The following PLEKHG4B variants were observed in gnomAD, a reference collection of about 807,000 sequenced individuals.
PLEKHG4B encodes pleckstrin homology domain-containing family G member 4B.
Under a neutral mutation model 121.3 loss-of-function variants are expected in PLEKHG4B, and 111 were observed. That is an observed-to-expected ratio of 0.92 (90% CI 0.78 to 1.07). The LOEUF is 1.07. PLEKHG4B is among the 50% of genes least tolerant of loss of function. PLEKHG4B has a pLI of 0.00. For missense variants in PLEKHG4B, 1,831 were observed against 1,757.8 expected (o/e 1.04, Z -0.74); for synonymous variants, 738 against 725.0 (o/e 1.02, Z -0.29).
At position 113,571 on chromosome 5, in the gene PLEKHG4B, T is replaced by G. The variant is rs75540411; in HGVS notation, c.243+123T>G. On this transcript the variant is annotated intron_variant, in intron 2 of 19. Transcript: ENST00000637938. This position sits in a 1 kb window ranked among gnomAD's most constrained non-coding sequence, Gnocchi z 5.2. ...TCAGTTCTTTCCTCTGGCTTCTGGCTCCTCCCACCCTCATCCCAAATGAAG... is the reference window on the plus strand; with the variant it reads ...TCAGTTCTTTCCTCTGGCTTCTGGCGCCTCCCACCCTCATCCCAAATGAAG... The G allele has an allele frequency of 0.017, 6,722 of 397,926 alleles. 83 individuals are homozygous for G. The highest frequency in any genetic ancestry group is 0.023 in the Non-Finnish European group (5,190 of 226,140). The allele number at this position is 397,926 out of a possible 1,614,324, so 24.6% of individuals were successfully genotyped here. A position where few individuals can be genotyped will look rare whatever the true frequency, so the allele number is the denominator to read the frequency against.
intron 4 of PLEKHG4B, 49 bp from the exon 5 acceptor site, chr5:143,331 C>T: frequency 6.2e-7 from 1 of 1,607,896 alleles, no homozygotes; most frequent in Non-Finnish European, 8.5e-7. Flanking sequence ...CAGCTCACCA[C>T]CTTGTAGGAG....
chr5:127,536 C>A (rs1339683037), intron 2 of PLEKHG4B, among the ~76,000 whole-genome samples: 3 of 151,748 alleles, frequency 2.0e-5, no homozygotes, highest in African/African-American at 7.3e-5. Flanking sequence ...GTCTGGCTCA[C>A]AAAAGGGGAA....
In PLEKHG4B at chr5:181,495, A is replaced by G; in HGVS notation, c.4403-19A>G. 2.5e-6 allele frequency: 4 copies of G among 1,610,506 alleles called. No individual in the cohort carries two copies. Among genetic ancestry groups the G allele is most frequent in the South Asian group, 2.2e-5 (2 of 90,856 alleles). ...CCCCCGAGTTGCTTTGGAAACTGTC[A>G]TACTTTCTTCTGTCTTAGAACTCAG... is the stretch of plus-strand genomic sequence containing the variant. On this transcript the variant is annotated intron_variant, in intron 18 of 19. Coordinates refer to ENST00000637938, the MANE Select transcript of PLEKHG4B (RefSeq NM_052909.5).
intron 8 of PLEKHG4B, 24 bp downstream of exon 8, chr5:155,015 C>T (rs1232043050): frequency 6.4e-6 from 10 of 1,563,276 alleles, no homozygotes; most frequent in Non-Finnish European, 7.0e-6. Flanking sequence ...GCAGCTGCTG[C>T]ACATGCGACA....
chr5:98,927 C>T (rs1255926434), intron 1 of PLEKHG4B, among the ~76,000 whole-genome samples: 6 of 112,462 alleles, frequency 5.3e-5, no homozygotes, highest in African/African-American at 1.4e-4. Context: ...GAGGCTGAGG[C>T]GGGTGGATCA....
chr5:161,333 C>G (rs1433565773), intron 11 of PLEKHG4B, among the ~76,000 whole-genome samples: 1 of 152,226 alleles, frequency 6.6e-6, no homozygotes, highest in African/African-American at 2.4e-5. Flanking sequence ...ATGGAAAGTC[C>G]TGGATCTATT....
At chr5:138,146 C>T (rs1031363701) in intron 2 of PLEKHG4B, among the ~76,000 whole-genome samples, 3 of 152,194 alleles carry the variant, frequency 2.0e-5, no homozygotes, top group East Asian at 1.9e-4. Flanking sequence ...CCCTGGGACC[C>T]GCCCCCCACC....
intron 5 of PLEKHG4B, 106 bp downstream of exon 5, chr5:143,609 C>T: frequency 7.2e-7 from 1 of 1,390,850 alleles, no homozygotes; most frequent in Non-Finnish European, 9.9e-7. Flanking sequence ...TGGCCAGACT[C>T]TGCCTCTCCT....
rs1180470111 is a variant in PLEKHG4B at position 140,097 on chromosome 5, G to A, written c.858G>A (p.Arg286=). The change falls in exon 3 of 20, where the codon AGG becomes AGA. Residue 286 remains arginine (R), a synonymous_variant. Coordinates refer to ENST00000637938, the MANE Select transcript of PLEKHG4B (RefSeq NM_052909.5). ...GGACCCTGTCTGGAAGCTCAGACAG[G>A]GACTTCGAAAAGGTCAGCCCCTCAG... The part of the protein sequence containing the change: ...SPRTLSGSSD[R]DFEKVSPSEQ... 4.1e-6 allele frequency: 2 copies of A among 487,610 alleles called. No individual in the cohort carries two copies. Among genetic ancestry groups the A allele is most frequent in the Non-Finnish European group, 7.1e-6 (2 of 280,738 alleles). The allele number at this position is 487,610 out of a possible 1,614,324, so 30.2% of individuals were successfully genotyped here.
intron 6 of PLEKHG4B, among the ~76,000 whole-genome samples, chr5:150,633 A>C (rs1184540692): frequency 6.6e-6 from 1 of 152,218 alleles, no homozygotes; most frequent in Non-Finnish European, 1.5e-5. Context: ...AGTACTCTTC[A>C]CTGAAGATGA....
intron 2 of PLEKHG4B, among the ~76,000 whole-genome samples, chr5:133,848 A>G (rs904717292): frequency 6.6e-6 from 1 of 151,280 alleles, no homozygotes; most frequent in Non-Finnish European, 1.5e-5. Flanking sequence ...TAGCAGTACA[A>G]TTTGCAACTG....
chr5:110,234 G>A (rs1734104299), intron 1 of PLEKHG4B, among the ~76,000 whole-genome samples: 1 of 117,386 alleles, frequency 8.5e-6, no homozygotes, highest in Non-Finnish European at 1.7e-5. Context: ...TGCACACACC[G>A]GCCACTCTGC....
intron 12 of PLEKHG4B, 37 bp from the exon 13 acceptor site, chr5:162,685 C>CTCCACT: frequency 6.1e-6 from 8 of 1,321,994 alleles, no homozygotes; most frequent in Non-Finnish European, 7.8e-6. Flanking sequence ...GCAGCCCCTC[C>CTCCACT]TCCACTGCAC....
chr5:111,332 T>C (rs1357125457), intron 1 of PLEKHG4B, among the ~76,000 whole-genome samples: 1 of 152,174 alleles, frequency 6.6e-6, no homozygotes, highest in Non-Finnish European at 1.5e-5. Flanking sequence ...GTGGCCCCAG[T>C]GGGAGTCATC....
chr5:143,011 C>A, intron 3 of PLEKHG4B, 36 bp from the exon 4 acceptor site: 1 of 1,591,924 alleles, frequency 6.3e-7, no homozygotes, highest in Non-Finnish European at 8.6e-7. Context: ...CGCAGGAAAA[C>A]CTTCATCTTT....
chr5:139,720 G>A lies in PLEKHG4B; in HGVS notation c.481G>A (p.Gly161Arg), dbSNP rs1579276501. The change falls in exon 3 of 20, where the codon GGG becomes AGG. Residue 161 changes from glycine to arginine, a missense_variant. Gly to Arg is a moderately radical substitution (Grantham distance 125, BLOSUM62 -2). Coordinates refer to ENST00000637938, the MANE Select transcript of PLEKHG4B (RefSeq NM_052909.5). The surrounding 1 kb of genome is among the most constrained non-coding windows in gnomAD (Gnocchi z 5.0). ...PEAMYGCVFT[G>R]AFLEWVNRER... ...GGCCATGTATGGCTGTGTCTTCACG[G>A]GGGCGTTCCTGGAGTGGGTGAACCG... 1.3e-5 allele frequency: 5 copies of A among 398,942 alleles called. 1 individual carries two copies. The highest frequency in any genetic ancestry group is 8.2e-5 in the African/African-American group (4 of 48,738). The allele number at this position is 398,942 out of a possible 1,614,324, so 24.7% of individuals were successfully genotyped here. A position where few individuals can be genotyped will look rare whatever the true frequency, so the allele number is the denominator to read the frequency against.
At chr5:102,112 G>A (rs1179319447) in intron 1 of PLEKHG4B, among the ~76,000 whole-genome samples, 1 of 149,162 alleles carries the variant, frequency 6.7e-6, no homozygotes, top group Non-Finnish European at 1.5e-5. Context: ...AGAGACTGTT[G>A]TGAGGTTAAT....
intron 13 of PLEKHG4B, among the ~76,000 whole-genome samples, chr5:166,894 G>A (rs1736371717): frequency 6.6e-6 from 1 of 152,232 alleles, no homozygotes. Flanking sequence ...ATTGGTGTGA[G>A]TGATCCAGGG....
rs1224254971 is a variant in PLEKHG4B, at chr5:137,821, CG to C, written c.244-1658del. The stretch of plus-strand genomic sequence containing the variant: ...GGGGACGGACTCTGGGGGCCAGGCT[CG>C]GGGAGGCCCTTATGGACCGGCAGGT... On this transcript the variant is annotated intron_variant, in intron 2 of 19. Transcript: ENST00000637938. This position sits in a 1 kb window ranked among gnomAD's most constrained non-coding sequence, Gnocchi z 4.2. 2.0e-5 allele frequency among the ~76,000 whole-genome samples: 3 copies of C among 152,198 alleles called. No individual in the cohort carries two copies. Among genetic ancestry groups the C allele is most frequent in the Non-Finnish European group, 4.4e-5 (3 of 68,028 alleles).
Sources: allele counts gnomAD v4.1 joint callset (sites outside exome capture counted in the v4.1 genomes callset), GRCh38; gene constraint gnomAD v4.1.1; non-coding constraint Gnocchi (gnomAD v3.1); transcripts MANE v1.5; gene names NCBI Gene and HGNC (gene_info 2026-07-23, HGNC 2026-07-21).